CHERP: variants seen among roughly 807,000 people sequenced by gnomAD.
CHERP encodes the protein ERPROT 213-21.
CHERP carries 8 observed loss-of-function variants against 113.8 expected under a neutral mutation model. The ratio of observed to expected loss-of-function variants is 0.07; its 90% confidence interval spans 0.04 to 0.13. The LOEUF is 0.13. Among genes scored for constraint, CHERP ranks in the 10% least tolerant of loss-of-function variants. The pLI is 1.00. For missense variants in CHERP, 884 were observed against 1,298.2 expected, an observed-to-expected ratio of 0.68 and a Z score of 4.90; for synonymous variants, 559 against 524.5, an observed-to-expected ratio of 1.07 and a Z score of -0.90.
chr19:16,540,279 C>T (rs763000855), intron 2 of CHERP, among the ~76,000 whole-genome samples: 1 of 151,872 alleles, frequency 6.6e-6, no homozygotes, highest in Non-Finnish European at 1.5e-5. Flanking sequence ...GTTGGCCAGG[C>T]TGGTCTCGAA....
At position 16,523,612 on chromosome 19, in the gene CHERP, A is replaced by G. The variant is rs2085636933; in HGVS notation, c.1742-322T>C. On this transcript the variant is annotated intron_variant, in intron 10 of 16. Coordinates refer to ENST00000546361, the MANE Select transcript of CHERP (RefSeq NM_006387.6). The surrounding 1 kb of genome is among the most constrained non-coding windows in gnomAD (Gnocchi z 4.0). ...AGGTCCCAGCCCCCAGTAGCTCAGG[A>G]CGGAACTGTATTTGGAGACAGAGCC... is the stretch of plus-strand genomic sequence containing the variant. Among the ~76,000 whole-genome samples, 1 of 152,178 alleles carries G rather than the reference A, an allele frequency of 6.6e-6. No individual in the cohort carries two copies. Among genetic ancestry groups the G allele is most frequent in the Admixed American group, 6.5e-5 (1 of 15,274 alleles).
chr19:16,524,821 C>G (rs576833837), intron 10 of CHERP, among the ~76,000 whole-genome samples: 1 of 151,000 alleles, frequency 6.6e-6, no homozygotes, highest in African/African-American at 2.4e-5. Context: ...TACAGTGGTG[C>G]GATCACAGCT....
In CHERP at chr19:16,542,384, C is replaced by G. The variant is rs777402203; in HGVS notation, c.-6G>C. On this transcript the variant is annotated 5_prime_UTR_variant, in exon 1 of 17. Coordinates refer to ENST00000546361, the MANE Select transcript of CHERP (RefSeq NM_006387.6). ...GGGGGCAGCGGCATCTCCATGGCTCCGGCCGCGGGGAACGTCCTCCGGCGC... is the reference window on the plus strand; with the variant it reads ...GGGGGCAGCGGCATCTCCATGGCTCGGGCCGCGGGGAACGTCCTCCGGCGC... 3.9e-5 allele frequency: 53 copies of G among 1,362,272 alleles called. No individual in the cohort carries two copies. Among genetic ancestry groups the G allele is most frequent in the Non-Finnish European group, 5.0e-5 (52 of 1,049,718 alleles). The allele number at this position is 1,362,272 out of a possible 1,614,324, so 84.4% of individuals were successfully genotyped here.
intron 1 of CHERP, 47 bp downstream of exon 1, chr19:16,542,307 A>C: frequency 7.2e-7 from 1 of 1,397,552 alleles, no homozygotes; most frequent in Non-Finnish European, 9.4e-7. Flanking sequence ...GGCCAATAGG[A>C]GGTTCCGGGG....
chr19:16,523,065 G>A lies in CHERP; in HGVS notation c.1967C>T (p.Ala656Val), dbSNP rs2122249210. 4 of 1,513,646 alleles carry A rather than the reference G, an allele frequency of 2.6e-6. No individual in the cohort carries two copies. The highest frequency in any genetic ancestry group is 2.6e-6 in the Non-Finnish European group (3 of 1,134,668). 93.8% of individuals were successfully genotyped at this position (1,513,646 alleles called of 1,614,324 possible). ...PYFDLPAGLM[A>V]PLVKLEDHEY... Reference sequence around the variant, plus strand: ...GTGGGGCATTACCTTCACGAGGGGGGCCATCAGCCCAGCAGGGAGATCGAA... The same window carrying A: ...GTGGGGCATTACCTTCACGAGGGGGACCATCAGCCCAGCAGGGAGATCGAA... Residue 656 changes from alanine to valine, a missense_variant, in exon 11 of 17, where the codon GCC (alanine) becomes GTC (valine). By Grantham distance (64) the Ala-to-Val change is moderately conservative. Transcript: ENST00000546361. This position sits in a 1 kb window ranked among gnomAD's most constrained non-coding sequence, Gnocchi z 4.0.
chr19:16,534,055 T>C (rs2085725571), intron 3 of CHERP, among the ~76,000 whole-genome samples: 2 of 126,522 alleles, frequency 1.6e-5, no homozygotes, highest in Admixed American at 7.2e-5. Flanking sequence ...TTCTTTTCTT[T>C]TCTTTTTTTT....
chr19:16,541,658 G>A (rs988281764), intron 2 of CHERP: 10 of 510,932 alleles, frequency 2.0e-5, no homozygotes, highest in Non-Finnish European at 3.1e-5. Context: ...CCAGGGGGGA[G>A]GATCGAAAAC....
chr19:16,526,732 G>T (rs1388553989), intron 9 of CHERP, among the ~76,000 whole-genome samples: 3 of 151,790 alleles, frequency 2.0e-5, no homozygotes. Flanking sequence ...CTCCCAAAGT[G>T]TGGGATTACA....
rs1042666315 is a variant in CHERP at position 16,520,672 on chromosome 19, T to C, written c.2201+154A>G. The stretch of plus-strand genomic sequence containing the variant: ...AGTTCCTAAATAGTGTGGCCGAGCC[T>C]GCTGCTGTGTGAATTCAGGCCTTGT... On this transcript the variant is annotated intron_variant, in intron 13 of 16. Coordinates refer to ENST00000546361, the MANE Select transcript of CHERP (RefSeq NM_006387.6). The surrounding 1 kb of genome is among the most constrained non-coding windows in gnomAD (Gnocchi z 4.0). 8.9e-7 allele frequency: 1 copy of C among 1,121,142 alleles called. No homozygotes were observed. Among genetic ancestry groups the C allele is most frequent in the Non-Finnish European group, 1.3e-6 (1 of 761,632 alleles). 69.4% of individuals were successfully genotyped at this position (1,121,142 alleles called of 1,614,324 possible).
At position 16,525,756 on chromosome 19, in the gene CHERP, C is replaced by T; in HGVS notation, c.1306-79G>A. ...GCAGCATCACAGCGCTCGGCAGCAT[C>T]ACAGCGCTGGCTCAGACCATGGAGG... On this transcript the variant is annotated intron_variant, in intron 9 of 16. Coordinates refer to ENST00000546361, the MANE Select transcript of CHERP (RefSeq NM_006387.6). The surrounding 1 kb of genome is among the most constrained non-coding windows in gnomAD (Gnocchi z 6.5). 3.0e-6 allele frequency: 4 copies of T among 1,323,344 alleles called. No individual in the cohort carries two copies. The allele number at this position is 1,323,344 out of a possible 1,614,324, so 82.0% of individuals were successfully genotyped here.
chr19:16,538,264 C>T (rs1160075009), intron 2 of CHERP, among the ~76,000 whole-genome samples: 3 of 152,216 alleles, frequency 2.0e-5, no homozygotes, highest in African/African-American at 7.2e-5. Flanking sequence ...TTCAGCCACC[C>T]TAAGCTCTGG....
intron 2 of CHERP, among the ~76,000 whole-genome samples, chr19:16,540,844 C>G (rs1012228645): frequency 2.7e-5 from 4 of 150,810 alleles, no homozygotes; most frequent in Non-Finnish European, 5.9e-5. Flanking sequence ...ACTACAGGCG[C>G]GGGCCACCAC....
rs910945087 is a variant in CHERP at position 16,535,213 on chromosome 19, A to C, written c.384+239T>G. Among the ~76,000 whole-genome samples, 1 of 152,212 alleles carries C rather than the reference A, an allele frequency of 6.6e-6. No individual in the cohort carries two copies. Among genetic ancestry groups the C allele is most frequent in the Non-Finnish European group, 1.5e-5 (1 of 68,008 alleles). The stretch of plus-strand genomic sequence containing the variant: ...GCATACGTGCCCCACAGTCCCACTC[A>C]GGGGGGTCCACCCCAGGGTGATGGG... On this transcript the variant is annotated intron_variant, in intron 3 of 16. Coordinates refer to ENST00000546361, the MANE Select transcript of CHERP (RefSeq NM_006387.6). The surrounding 1 kb of genome is among the most constrained non-coding windows in gnomAD (Gnocchi z 4.3).
Position 16,520,822 on chromosome 19 carries a change from T to C in CHERP, c.2201+4A>G, listed in dbSNP as rs754209070. On this transcript the variant is annotated splice_donor_region_variant and intron_variant, in intron 13 of 16. Transcript: ENST00000546361. This position sits in a 1 kb window ranked among gnomAD's most constrained non-coding sequence, Gnocchi z 4.0. ...CCGGCCACTGCAGACATCTGCGCTT[T>C]TACCTGTTCCTCTTCTCCTGGCCTT... 6.2e-7 allele frequency: 1 copy of C among 1,613,560 alleles called. No individual in the cohort carries two copies. Among genetic ancestry groups the C allele is most frequent in the Admixed American group, 1.7e-5 (1 of 60,022 alleles).
At chr19:16,522,204 A>C (rs962917175) in intron 11 of CHERP, among the ~76,000 whole-genome samples, 1 of 151,922 alleles carries the variant, frequency 6.6e-6, no homozygotes, top group Non-Finnish European at 1.5e-5. Context: ...GGGGGTGGGA[A>C]GTGGCAGTGG....
At position 16,519,070 on chromosome 19, in the gene CHERP, G is replaced by T; in HGVS notation, c.*89C>A. On this transcript the variant is annotated 3_prime_UTR_variant, in exon 17 of 17. Transcript: ENST00000546361. The surrounding 1 kb of genome is among the most constrained non-coding windows in gnomAD (Gnocchi z 6.0). Reference sequence around the variant, plus strand: ...CAAGTGGAGACGGTGTAAGAACTGAGCTGTCACTGCAATCTTCCTCTGCCA... The same window carrying T: ...CAAGTGGAGACGGTGTAAGAACTGATCTGTCACTGCAATCTTCCTCTGCCA... The T allele has an allele frequency of 2.5e-6, 3 of 1,184,972 alleles. No individual in the cohort carries two copies. The highest frequency in any genetic ancestry group is 3.6e-6 in the Non-Finnish European group (3 of 831,108). The allele number at this position is 1,184,972 out of a possible 1,614,324, so 73.4% of individuals were successfully genotyped here. A position where few individuals can be genotyped will look rare whatever the true frequency, so the allele number is the denominator to read the frequency against.
Position 16,532,359 on chromosome 19 carries a change from C to G in CHERP, c.674+239G>C, listed in dbSNP as rs907103189. 2 of 483,966 alleles carry G rather than the reference C, an allele frequency of 4.1e-6. No homozygotes were observed. Among genetic ancestry groups the G allele is most frequent in the Non-Finnish European group, 7.3e-6 (2 of 273,938 alleles). The allele number at this position is 483,966 out of a possible 1,614,324, so 30.0% of individuals were successfully genotyped here. On this transcript the variant is annotated intron_variant, in intron 5 of 16. Coordinates refer to ENST00000546361, the MANE Select transcript of CHERP (RefSeq NM_006387.6). This position sits in a 1 kb window ranked among gnomAD's most constrained non-coding sequence, Gnocchi z 4.4. ...GAGACAGCAATGTGACAGGTGAGGC[C>G]GGGGTCTAGGGGAGAGGACAGGGCA...
At chr19:16,522,440 T>G (rs1467104224) in intron 11 of CHERP, among the ~76,000 whole-genome samples, 1 of 152,320 alleles carries the variant, frequency 6.6e-6, no homozygotes, top group Admixed American at 6.5e-5. Context: ...TTGTATTTTT[T>G]AATAGAGACG....
rs947916308 is a variant in CHERP at position 16,518,695 on chromosome 19, C to T, written c.*464G>A. ...GGCTTCGGCTTTGTCCCTACACAGCCGAGGGGAAGCCAGGTCAGGGCCGGT... is the reference window on the plus strand; with the variant it reads ...GGCTTCGGCTTTGTCCCTACACAGCTGAGGGGAAGCCAGGTCAGGGCCGGT... On this transcript the variant is annotated 3_prime_UTR_variant, in exon 17 of 17. Transcript: ENST00000546361. The T allele has an allele frequency of 6.5e-5, 11 of 169,800 alleles. No individual in the cohort carries two copies. Among genetic ancestry groups the T allele is most frequent in the East Asian group, 1.9e-4 (1 of 5,338 alleles). The allele number at this position is 169,800 out of a possible 1,614,324, so 10.5% of individuals were successfully genotyped here.
Sources: gnomAD v4.1 joint callset for allele counts (sites outside exome capture counted in the v4.1 genomes callset) on GRCh38, gnomAD v4.1.1 for gene constraint, Gnocchi (gnomAD v3.1) non-coding constraint, MANE v1.5 for transcripts, NCBI Gene and HGNC (gene_info 2026-07-23, HGNC 2026-07-21) for gene names.